The following SEMA3D variants were observed in gnomAD, a reference collection of about 807,000 sequenced individuals.
The protein encoded by SEMA3D is semaphorin-3D.
In SEMA3D, 84 loss-of-function variants were observed where a neutral mutation model predicts 100.1. The observed-to-expected ratio is 0.84, with a 90% CI of 0.70 to 1.01. SEMA3D has a LOEUF of 1.01. Ranked by LOEUF, SEMA3D falls within the 50% of genes least tolerant of loss-of-function variation. SEMA3D has a pLI of 0.00. For missense variants in SEMA3D, 875 were observed against 934.1 expected, an observed-to-expected ratio of 0.94 and a Z score of 0.82; for synonymous variants, 312 against 320.7, an observed-to-expected ratio of 0.97 and a Z score of 0.29.
At chr7:85,016,811 G>T (rs1385641829) in intron 15 of SEMA3D, among the ~76,000 whole-genome samples, 11 of 145,090 alleles carry the variant, frequency 7.6e-5, no homozygotes, top group African/African-American at 2.3e-4. Flanking sequence ...TTTGAGCCAG[G>T]TTCTCACTAT....
At chr7:85,198,850 G>GT in the SEMA3D span, among the ~76,000 whole-genome samples, 1 of 133,464 alleles carries the variant, frequency 7.5e-6, no homozygotes, top group Admixed American at 7.3e-5. Flanking sequence ...TTTTTCAAGG[G>GT]TTTTCTATTT....
chr7:85,027,401 A>C (rs181158881), intron 12 of SEMA3D, among the ~76,000 whole-genome samples: 1 of 152,116 alleles, frequency 6.6e-6, no homozygotes, highest in East Asian at 1.9e-4. Flanking sequence ...AATTTTTAGC[A>C]TTTGCCATTG....
chr7:85,009,827 A>G (rs1476419836), intron 17 of SEMA3D, among the ~76,000 whole-genome samples: 2 of 151,840 alleles, frequency 1.3e-5, no homozygotes, highest in Non-Finnish European at 2.9e-5. Flanking sequence ...CACAACTGTT[A>G]TTGTGTGCCT....
intron 7 of SEMA3D, 119 bp from the exon 8 acceptor site, chr7:85,065,671 T>A (rs1791597640): frequency 1.4e-6 from 1 of 728,426 alleles, no homozygotes; most frequent in South Asian, 2.5e-5. Context: ...CAGAATGTAT[T>A]GTTTCATAAA....
At chr7:85,104,270 A>C (rs1324117460) in intron 3 of SEMA3D, among the ~76,000 whole-genome samples, 4 of 152,064 alleles carry the variant, frequency 2.6e-5, no homozygotes, top group African/African-American at 9.7e-5. Flanking sequence ...GAAAATGTTC[A>C]TCCACAACAA....
At chr7:85,063,140 T>C (rs1393822672) in intron 8 of SEMA3D, among the ~76,000 whole-genome samples, 1 of 152,310 alleles carries the variant, frequency 6.6e-6, no homozygotes, top group African/African-American at 2.4e-5. Flanking sequence ...ATAGATTCTA[T>C]TGTTAATAGA....
intron 4 of SEMA3D, among the ~76,000 whole-genome samples, chr7:85,094,316 C>G (rs1301711647): frequency 1.3e-5 from 2 of 151,986 alleles, no homozygotes; most frequent in Admixed American, 1.3e-4. Flanking sequence ...GAGATACATT[C>G]AGACTTTTAA....
chr7:85,086,631 CGTGTGTGTGT>C (rs58818289), intron 4 of SEMA3D, among the ~76,000 whole-genome samples: 5 of 140,924 alleles, frequency 3.5e-5, no homozygotes, highest in East Asian at 2.1e-4. Flanking sequence ...TCTCTCTCTC[CGTGTGTGTGT>C]GTGTGTGTGT....
intron 3 of SEMA3D, among the ~76,000 whole-genome samples, chr7:85,107,750 T>A (rs902558504): frequency 6.6e-6 from 1 of 152,082 alleles, no homozygotes; most frequent in Non-Finnish European, 1.5e-5. Context: ...TCACTTTAAG[T>A]CTGTTTAACC....
chr7:85,189,237 G>A (rs1791641214), upstream of SEMA3D, among the ~76,000 whole-genome samples: 1 of 152,112 alleles, frequency 6.6e-6, no homozygotes, highest in Non-Finnish European at 1.5e-5. Context: ...TCTTGAATGT[G>A]TTAGGTGCTT....
intron 4 of SEMA3D, among the ~76,000 whole-genome samples, chr7:85,083,688 CAAA>C (rs545194586): frequency 6.7e-6 from 1 of 148,698 alleles, no homozygotes. Flanking sequence ...ACTAAAAATA[CAAA>C]AAAAAATTAG....
intron 5 of SEMA3D, among the ~76,000 whole-genome samples, chr7:85,077,427 C>T (rs2116214481): frequency 6.6e-6 from 1 of 151,762 alleles, no homozygotes; most frequent in South Asian, 2.1e-4. Context: ...AATATGTCTA[C>T]CTATACGTGT....
At chr7:85,198,502 C>T in the SEMA3D span, among the ~76,000 whole-genome samples, 1 of 151,882 alleles carries the variant, frequency 6.6e-6, no homozygotes, top group African/African-American at 2.4e-5. Context: ...TTTTTAATAA[C>T]TATTTCTTCT....
At chr7:85,140,276 T>G (rs1210950658) in intron 2 of SEMA3D, 9 of 966,118 alleles carry the variant, frequency 9.3e-6, no homozygotes, top group Non-Finnish European at 1.1e-5. Flanking sequence ...CATTTTCTCT[T>G]TTCCTCAAAT....
At chr7:85,177,502 C>G (rs1791271659) in intron 1 of SEMA3D, among the ~76,000 whole-genome samples, 1 of 152,082 alleles carries the variant, frequency 6.6e-6, no homozygotes, top group East Asian at 1.9e-4. Flanking sequence ...TAATCATCAT[C>G]TGGAATTGAA....
rs529643678 is a variant in SEMA3D at position 84,995,610 on chromosome 7, C to T, written c.*3830G>A. 50 of 152,078 alleles carry T rather than the reference C, an allele frequency of 3.3e-4. No individual in the cohort carries two copies. The highest frequency in any genetic ancestry group is 1.2e-3 in the African/African-American group (50 of 41,516). 9.4% of individuals were successfully genotyped at this position (152,078 alleles called of 1,614,324 possible). On this transcript the variant is annotated 3_prime_UTR_variant, in exon 19 of 19. Transcript: ENST00000284136. ...TTTATTATAATACAACCAAAATATA[C>T]ATTTAACAATTTTTAATTATTTCAT...
upstream of SEMA3D, among the ~76,000 whole-genome samples, chr7:85,189,535 G>T (rs1791649190): frequency 6.6e-6 from 1 of 152,248 alleles, no homozygotes; most frequent in South Asian, 2.1e-4. Flanking sequence ...AGTTTAGTTT[G>T]TCTTCAAGGG....
At chr7:85,085,014 G>A (rs1232587768) in intron 4 of SEMA3D, among the ~76,000 whole-genome samples, 1 of 152,080 alleles carries the variant, frequency 6.6e-6, no homozygotes, top group East Asian at 1.9e-4. Flanking sequence ...TAGTGTACAT[G>A]TACCACATTT....
the SEMA3D span, among the ~76,000 whole-genome samples, chr7:85,236,154 T>G: frequency 6.6e-6 from 1 of 152,050 alleles, no homozygotes; most frequent in Non-Finnish European, 1.5e-5. Context: ...TGAGCAGAAT[T>G]ATGACCATTT....
Sources: allele counts gnomAD v4.1 joint callset (sites outside exome capture counted in the v4.1 genomes callset), GRCh38; gene constraint gnomAD v4.1.1; transcripts MANE v1.5; gene names NCBI Gene and HGNC (gene_info 2026-07-23, HGNC 2026-07-21).